CDC20B: variants seen among roughly 807,000 people sequenced by gnomAD.
CDC20B encodes the protein cell division cycle 20B.
A neutral mutation model predicts 64.1 loss-of-function variants in CDC20B; 58 were observed. That is an observed-to-expected ratio of 0.90 (90% CI 0.73 to 1.13). The LOEUF is 1.13. Among genes scored for constraint, CDC20B ranks in the 50% most tolerant of loss-of-function variants. CDC20B has a pLI of 0.00. For missense variants in CDC20B, 597 were observed against 633.0 expected (o/e 0.94, Z 0.61); for synonymous variants, 243 against 230.6 (o/e 1.05, Z -0.49).
In CDC20B at chr5:55,113,899, A is replaced by G. The variant is rs1257121741; in HGVS notation, c.*319T>C. 4.7e-6 allele frequency: 1 copy of G among 212,640 alleles called. No individual in the cohort carries two copies. Among genetic ancestry groups the G allele is most frequent in the African/African-American group, 2.3e-5 (1 of 43,018 alleles). The allele number at this position is 212,640 out of a possible 1,614,324, so 13.2% of individuals were successfully genotyped here. ...GCTGGGGAGAAAAGTCATACGGGAA[A>G]GAAGTAGAAATCTTTGCTATAGATG... On this transcript the variant is annotated 3_prime_UTR_variant, in exon 12 of 12. Coordinates refer to ENST00000381375, the MANE Select transcript of CDC20B (RefSeq NM_001170402.1).
intron 5 of CDC20B, among the ~76,000 whole-genome samples, chr5:55,135,260 A>G (rs1224079091): frequency 2.0e-5 from 3 of 151,840 alleles, no homozygotes; most frequent in Non-Finnish European, 4.4e-5. Flanking sequence ...CAGAGAGAGA[A>G]AGAGAGAGGG....
intron 6 of CDC20B, among the ~76,000 whole-genome samples, chr5:55,129,865 G>C (rs1035329527): frequency 1.3e-5 from 2 of 152,102 alleles, no homozygotes; most frequent in African/African-American, 4.8e-5. Context: ...ACATCAACCA[G>C]AACAAAACAT....
intron 2 of CDC20B, among the ~76,000 whole-genome samples, chr5:55,157,396 A>G (rs1487709142): frequency 6.6e-6 from 1 of 152,250 alleles, no homozygotes; most frequent in Non-Finnish European, 1.5e-5. Flanking sequence ...AATGCTGTCC[A>G]GCGCACAAGT....
At chr5:55,138,062 G>A (rs1204835787) in intron 5 of CDC20B, among the ~76,000 whole-genome samples, 1 of 150,214 alleles carries the variant, frequency 6.7e-6, no homozygotes, top group Admixed American at 6.7e-5. Context: ...TATACCAGAA[G>A]AAACCAGATG....
chr5:55,125,301 G>A (rs1037959838), intron 8 of CDC20B, among the ~76,000 whole-genome samples: 6 of 152,132 alleles, frequency 3.9e-5, no homozygotes, highest in Admixed American at 2.6e-4. Context: ...TGTAAGCAGC[G>A]ATGGAAAAAT....
intron 1 of CDC20B, 41 bp downstream of exon 1, chr5:55,172,897 A>T: frequency 6.5e-7 from 1 of 1,550,048 alleles, no homozygotes; most frequent in Middle Eastern, 1.8e-4. Flanking sequence ...TCGGCCCCGC[A>T]TTAGAGAGTT....
chr5:55,137,318 C>T (rs1334867938), intron 5 of CDC20B: 1 of 327,170 alleles, frequency 3.1e-6, no homozygotes, highest in Non-Finnish European at 6.0e-6. Flanking sequence ...ACACCACCAT[C>T]CAAAGTTTCC....
intron 2 of CDC20B, among the ~76,000 whole-genome samples, chr5:55,147,257 GTTTTATATATTTATATATTATATAAA>G (rs1743518936): frequency 9.1e-6 from 1 of 109,752 alleles, no homozygotes; most frequent in Admixed American, 9.8e-5. Context: ...AATATGTTAT[GTTTTATATATTTATATATTATATAAA>G]CATAAATATG....
intron 9 of CDC20B, among the ~76,000 whole-genome samples, chr5:55,122,289 A>G (rs1168380445): frequency 6.7e-6 from 1 of 148,190 alleles, no homozygotes; most frequent in African/African-American, 2.5e-5. Flanking sequence ...TTTTTTTTTA[A>G]GACACAGTCT....
intron 2 of CDC20B, among the ~76,000 whole-genome samples, chr5:55,162,121 C>G (rs972996492): frequency 6.8e-6 from 1 of 147,890 alleles, no homozygotes; most frequent in Non-Finnish European, 1.5e-5. Context: ...AAAGGCCGGG[C>G]GCGGTGGCTC....
At chr5:55,145,086 C>T (rs1482352789) in intron 3 of CDC20B, among the ~76,000 whole-genome samples, 1 of 152,102 alleles carries the variant, frequency 6.6e-6, no homozygotes, top group African/African-American at 2.4e-5. Context: ...TAATTAAGAA[C>T]CTAGAAAGTA....
chr5:55,133,559 T>G, intron 5 of CDC20B, 31 bp from the exon 6 acceptor site: 76 of 908,564 alleles, frequency 8.4e-5, no homozygotes, highest in Middle Eastern at 2.3e-4. Flanking sequence ...TACACAGCTC[T>G]AAGATCCTGA....
At chr5:55,161,499 T>C (rs190496732) in intron 2 of CDC20B, among the ~76,000 whole-genome samples, 132 of 152,362 alleles carry the variant, frequency 8.7e-4, no homozygotes, top group African/African-American at 2.9e-3. Flanking sequence ...TATTACCATC[T>C]TCCTGAAGAA....
At chr5:55,167,958 G>A (rs1346441547) in intron 2 of CDC20B, among the ~76,000 whole-genome samples, 2 of 152,136 alleles carry the variant, frequency 1.3e-5, no homozygotes, top group Non-Finnish European at 2.9e-5. Context: ...CTTAAGCCCA[G>A]GAGGTAGAGG....
At chr5:55,167,294 G>A (rs901223664) in intron 2 of CDC20B, among the ~76,000 whole-genome samples, 1 of 152,188 alleles carries the variant, frequency 6.6e-6, no homozygotes, top group Non-Finnish European at 1.5e-5. Flanking sequence ...GAATTTGGCT[G>A]AAATGTGCCC....
intron 2 of CDC20B, among the ~76,000 whole-genome samples, chr5:55,162,926 G>A (rs933366223): frequency 1.3e-5 from 2 of 152,256 alleles, no homozygotes; most frequent in Admixed American, 1.3e-4. Context: ...TAAAAGGCCC[G>A]TATATCAATC....
chr5:55,127,289 C>G lies in CDC20B; in HGVS notation c.957G>C (p.Gly319=), dbSNP rs771193908. 6.2e-7 allele frequency: 1 copy of G among 1,614,086 alleles called. No individual in the cohort carries two copies. ...GGATAAAGTGATTCCAGCTCAGAGCCCCAACTACTGACAAATGACCAAGCA... is the reference window on the plus strand; with the variant it reads ...GGATAAAGTGATTCCAGCTCAGAGCGCCAACTACTGACAAATGACCAAGCA... ...RNMLGHLSVV[G]ALSWNHFILS... is the part of the protein sequence containing the mutation. The change falls in exon 8 of 12, where the codon GGG becomes GGC. Residue 319 remains glycine, a synonymous_variant. Transcript: ENST00000381375.
At chr5:55,140,981 T>C (rs753909098) in intron 4 of CDC20B, among the ~76,000 whole-genome samples, 1 of 152,192 alleles carries the variant, frequency 6.6e-6, no homozygotes, top group East Asian at 1.9e-4. Flanking sequence ...TGATAAATGA[T>C]TAAAGCAGAG....
intron 2 of CDC20B, among the ~76,000 whole-genome samples, chr5:55,150,075 T>A (rs962727081): frequency 6.6e-6 from 1 of 151,988 alleles, no homozygotes; most frequent in Non-Finnish European, 1.5e-5. Flanking sequence ...GAGGTTGCAG[T>A]GAGCCGAGAT....
Sources: allele counts gnomAD v4.1 joint callset (sites outside exome capture counted in the v4.1 genomes callset), GRCh38; gene constraint gnomAD v4.1.1; transcripts MANE v1.5; gene names NCBI Gene and HGNC (gene_info 2026-07-23, HGNC 2026-07-21).